Variants in NECAB1 observed in about 807,000 individuals in gnomAD.
The protein encoded by NECAB1 is N-terminal EF-hand calcium-binding protein 1.
In NECAB1, 29 loss-of-function variants were observed where a neutral mutation model predicts 57.5. The ratio of observed to expected loss-of-function variants is 0.50; its 90% confidence interval spans 0.38 to 0.69. The LOEUF (loss-of-function observed/expected upper bound fraction) is 0.69, where lower values mean the gene tolerates loss of function less well. Among genes scored for constraint, NECAB1 ranks in the 30% least tolerant of loss-of-function variants. The pLI is 0.00. For missense variants in NECAB1, 372 were observed against 413.8 expected (o/e 0.90, Z 0.88); for synonymous variants, 142 against 147.7 (o/e 0.96, Z 0.28).
At position 90,959,047 on chromosome 8, in the gene NECAB1, A is replaced by G; in HGVS notation, c.*3535A>G. ...GTTGTTTTCCTGTAATATAAAAGAA[A>G]AAGTTAATTTATCAATTGATTGAAT... On this transcript the variant is annotated 3_prime_UTR_variant, in exon 13 of 13. Transcript: ENST00000417640. The G allele has an allele frequency of 8.2e-7, 1 of 1,221,536 alleles. No individual in the cohort carries two copies. The highest frequency in any genetic ancestry group is 1.1e-6 in the Non-Finnish European group (1 of 886,370). The allele number at this position is 1,221,536 out of a possible 1,614,324, so 75.7% of individuals were successfully genotyped here.
intron 3 of NECAB1, among the ~76,000 whole-genome samples, chr8:90,866,338 C>T (rs1415661660): frequency 6.6e-6 from 1 of 152,206 alleles, no homozygotes; most frequent in Non-Finnish European, 1.5e-5. Context: ...CAGCATATTG[C>T]TTATTGGGTC....
chr8:90,850,033 G>A (rs1812653703), intron 3 of NECAB1, among the ~76,000 whole-genome samples: 1 of 152,180 alleles, frequency 6.6e-6, no homozygotes, highest in Non-Finnish European at 1.5e-5. Flanking sequence ...GTCAAACAGA[G>A]TAGTCACCAA....
intron 6 of NECAB1, among the ~76,000 whole-genome samples, chr8:90,925,000 T>C (rs1053985572): frequency 5.9e-5 from 9 of 151,834 alleles, no homozygotes; most frequent in African/African-American, 2.2e-4. Flanking sequence ...TATGCTACTT[T>C]CATATCATAA....
intron 6 of NECAB1, among the ~76,000 whole-genome samples, chr8:90,920,184 C>T (rs905065507): frequency 6.6e-6 from 1 of 152,160 alleles, no homozygotes; most frequent in Non-Finnish European, 1.5e-5. Flanking sequence ...TGTTGTATGG[C>T]ATTTGACTAA....
At chr8:90,836,052 T>C (rs1374221497) in intron 3 of NECAB1, among the ~76,000 whole-genome samples, 1 of 152,210 alleles carries the variant, frequency 6.6e-6, no homozygotes, top group Non-Finnish European at 1.5e-5. Context: ...ATGCTATTGC[T>C]ATATTAAAAT....
At chr8:90,798,568 C>A (rs1381812906) in intron 1 of NECAB1, among the ~76,000 whole-genome samples, 2 of 152,170 alleles carry the variant, frequency 1.3e-5, no homozygotes, top group Non-Finnish European at 2.9e-5. Flanking sequence ...TCTGCTTCTG[C>A]ATTAATTCAC....
chr8:90,898,308 C>T (rs1809412602), intron 5 of NECAB1, among the ~76,000 whole-genome samples: 1 of 152,142 alleles, frequency 6.6e-6, no homozygotes, highest in African/African-American at 2.4e-5. Context: ...ACTCAGTGCC[C>T]CAAATCCAAA....
intron 3 of NECAB1, among the ~76,000 whole-genome samples, chr8:90,835,088 T>A (rs1356467974): frequency 6.6e-6 from 1 of 152,066 alleles, no homozygotes; most frequent in African/African-American, 2.4e-5. Flanking sequence ...TTACAGCCCC[T>A]ATATTATTTA....
chr8:90,821,463 A>G (rs1170552514), intron 2 of NECAB1, among the ~76,000 whole-genome samples: 2 of 151,772 alleles, frequency 1.3e-5, no homozygotes, highest in Non-Finnish European at 2.9e-5. Context: ...CTCCAAATAT[A>G]TACCCTTTGG....
intron 2 of NECAB1, among the ~76,000 whole-genome samples, chr8:90,801,980 C>T (rs1811765232): frequency 1.3e-5 from 2 of 152,144 alleles, no homozygotes; most frequent in South Asian, 2.1e-4. Flanking sequence ...TTTCATGCAC[C>T]AAAAAATAAT....
chr8:90,843,400 A>G (rs1812490369), intron 3 of NECAB1, among the ~76,000 whole-genome samples: 1 of 152,190 alleles, frequency 6.6e-6, no homozygotes, highest in Admixed American at 6.5e-5. Flanking sequence ...CTAGCAAAAG[A>G]AAGAGAAGGA....
Position 90,902,473 on chromosome 8 carries a change from T to A in NECAB1, c.358-15019T>A, listed in dbSNP as rs538137210. Among the ~76,000 whole-genome samples the A allele has an allele frequency of 3.9e-5, 6 of 151,916 alleles. No homozygotes were observed. In the South Asian group the frequency reaches 1.2e-3, roughly 32 times the overall value. ...TTAAGTTACATACGTAGAAAAGGAG[T>A]CAATTGAATTACGTTGTACTTACTA... On this transcript the variant is annotated intron_variant, in intron 5 of 12. Coordinates refer to ENST00000417640, the MANE Select transcript of NECAB1 (RefSeq NM_022351.5).
chr8:90,864,591 A>G (rs1808473860), intron 3 of NECAB1, among the ~76,000 whole-genome samples: 1 of 152,104 alleles, frequency 6.6e-6, no homozygotes, highest in African/African-American at 2.4e-5. Context: ...ATTGACTTGC[A>G]TAAGTGGAGA....
At chr8:90,898,127 T>C (rs1450064709) in intron 5 of NECAB1, among the ~76,000 whole-genome samples, 1 of 152,166 alleles carries the variant, frequency 6.6e-6, no homozygotes, top group Non-Finnish European at 1.5e-5. Flanking sequence ...AAATTACAGT[T>C]GAGAAAAGCC....
intron 3 of NECAB1, among the ~76,000 whole-genome samples, chr8:90,850,313 T>C (rs1435537827): frequency 6.6e-6 from 1 of 152,218 alleles, no homozygotes; most frequent in Non-Finnish European, 1.5e-5. Flanking sequence ...TTGATAGTAA[T>C]GCCCCTTGAT....
chr8:90,954,251 G>C (rs1201917510), intron 12 of NECAB1, among the ~76,000 whole-genome samples: 2 of 151,902 alleles, frequency 1.3e-5, no homozygotes, highest in Admixed American at 1.3e-4. Flanking sequence ...TGCTTTTTAT[G>C]GTTAAGACTA....
intron 5 of NECAB1, among the ~76,000 whole-genome samples, chr8:90,898,082 A>G (rs972446889): frequency 4.6e-5 from 7 of 152,340 alleles, no homozygotes; most frequent in African/African-American, 1.7e-4. Context: ...TATGACCTCA[A>G]ATTTGTTCCT....
At chr8:90,881,527 A>C (rs1808838363) in intron 5 of NECAB1, among the ~76,000 whole-genome samples, 1 of 152,116 alleles carries the variant, frequency 6.6e-6, no homozygotes, top group African/African-American at 2.4e-5. Flanking sequence ...CCTGATGTTG[A>C]ATGAGTGAGT....
chr8:90,867,250 A>C (rs1278711885), intron 3 of NECAB1, among the ~76,000 whole-genome samples: 1 of 152,258 alleles, frequency 6.6e-6, no homozygotes, highest in Non-Finnish European at 1.5e-5. Context: ...ATATATTCCA[A>C]GTAATTCCAT....
Sources: allele counts gnomAD v4.1 joint callset (sites outside exome capture counted in the v4.1 genomes callset), GRCh38; gene constraint gnomAD v4.1.1; transcripts MANE v1.5; gene names NCBI Gene and HGNC (gene_info 2026-07-23, HGNC 2026-07-21).